The following CRB1 variants were observed in gnomAD, a reference collection of about 807,000 sequenced individuals.
CRB1 encodes protein crumbs homolog 1.
A neutral mutation model predicts 120.0 loss-of-function variants in CRB1; 83 were observed. That is an observed-to-expected ratio of 0.69 (90% CI 0.58 to 0.83). The LOEUF (loss-of-function observed/expected upper bound fraction) is 0.83, where lower values mean the gene tolerates loss of function less well. Among genes scored for constraint, CRB1 ranks in the 40% least tolerant of loss-of-function variants. CRB1 has a pLI of 0.00. For missense variants in CRB1, 1,699 were observed against 1,687.6 expected (o/e 1.01, Z -0.12); for synonymous variants, 625 against 612.5 (o/e 1.02, Z -0.30).
intron 11 of CRB1, among the ~76,000 whole-genome samples, chr1:197,456,829 A>T (rs1438704550): frequency 6.6e-6 from 1 of 152,162 alleles, no homozygotes; most frequent in Non-Finnish European, 1.5e-5. Context: ...CCATAATCAC[A>T]TGGACACAGC....
the CRB1 span, among the ~76,000 whole-genome samples, chr1:197,252,083 T>C: frequency 1.3e-5 from 2 of 151,916 alleles, no homozygotes; most frequent in Non-Finnish European, 2.9e-5. Flanking sequence ...TCAGCAATCT[T>C]TTTTGGTAAA....
At chr1:197,222,898 C>A in the CRB1 span, 3 of 1,203,046 alleles carry the variant, frequency 2.5e-6, no homozygotes, top group East Asian at 2.3e-5. Context: ...AGGGAAGACT[C>A]TGAACAATTC....
chr1:197,475,998 A>C (rs543101312), intron 11 of CRB1, among the ~76,000 whole-genome samples: 12 of 152,000 alleles, frequency 7.9e-5, no homozygotes, highest in African/African-American at 2.7e-4. Context: ...CAACCTCCGC[A>C]TCTCGGGTTC....
At chr1:197,340,755 A>G (rs1343026907) in intron 2 of CRB1, among the ~76,000 whole-genome samples, 1 of 152,006 alleles carries the variant, frequency 6.6e-6, no homozygotes, top group Non-Finnish European at 1.5e-5. Flanking sequence ...TTTGGCAGGG[A>G]TGGGGGTGGC....
intron 1 of CRB1, among the ~76,000 whole-genome samples, chr1:197,282,746 T>A (rs1655596718): frequency 1.3e-5 from 2 of 151,894 alleles, no homozygotes; most frequent in Non-Finnish European, 2.9e-5. Context: ...CTTGTAAAAC[T>A]ATTATTTCTC....
intron 5 of CRB1, among the ~76,000 whole-genome samples, chr1:197,361,816 G>T (rs1660784798): frequency 6.6e-6 from 1 of 150,738 alleles, no homozygotes; most frequent in South Asian, 2.1e-4. Flanking sequence ...TTTCCTATTT[G>T]CAATTTTATT....
chr1:197,390,519 C>T (rs1662445771), intron 5 of CRB1, among the ~76,000 whole-genome samples: 1 of 152,002 alleles, frequency 6.6e-6, no homozygotes, highest in African/African-American at 2.4e-5. Flanking sequence ...GATTGTTTTT[C>T]ATATCATAGG....
At chr1:197,428,428 T>A (rs1004935871) in intron 7 of CRB1, among the ~76,000 whole-genome samples, 4 of 152,234 alleles carry the variant, frequency 2.6e-5, no homozygotes, top group Non-Finnish European at 5.9e-5. Flanking sequence ...ACAAGAGAAA[T>A]CTGAGAGGTA....
At chr1:197,424,937 A>G (rs1301916592) in intron 6 of CRB1, among the ~76,000 whole-genome samples, 2 of 152,184 alleles carry the variant, frequency 1.3e-5, no homozygotes, top group Non-Finnish European at 2.9e-5. Flanking sequence ...TTCTAAAGTC[A>G]TGTAGCAAAT....
At chr1:197,329,910 T>C (rs547391209) in intron 2 of CRB1, among the ~76,000 whole-genome samples, 6 of 152,268 alleles carry the variant, frequency 3.9e-5, no homozygotes, top group African/African-American at 1.4e-4. Flanking sequence ...ACTTGCCGTT[T>C]TTGTACCTTC....
At chr1:197,292,610 A>G (rs1473233784) in intron 1 of CRB1, among the ~76,000 whole-genome samples, 2 of 152,152 alleles carry the variant, frequency 1.3e-5, no homozygotes, top group Admixed American at 1.3e-4. Flanking sequence ...CAACAAAAAA[A>G]AGAGAATTTT....
intron 2 of CRB1, among the ~76,000 whole-genome samples, chr1:197,330,219 A>G (rs796074143): frequency 7.2e-5 from 11 of 152,270 alleles, no homozygotes; most frequent in African/African-American, 2.6e-4. Flanking sequence ...GACATCTAAG[A>G]TATGTTCCAA....
intron 11 of CRB1, among the ~76,000 whole-genome samples, chr1:197,448,791 G>A (rs1665822717): frequency 6.6e-6 from 1 of 152,020 alleles, no homozygotes; most frequent in Non-Finnish European, 1.5e-5. Flanking sequence ...CTTATTATTT[G>A]GTAATTATCT....
At chr1:197,368,365 C>A (rs75767582) in intron 5 of CRB1, among the ~76,000 whole-genome samples, 1 of 152,182 alleles carries the variant, frequency 6.6e-6, no homozygotes, top group Non-Finnish European at 1.5e-5. Context: ...TCATCTGATT[C>A]ATTTACCTTT....
chr1:197,293,682 C>A (rs1656339891), intron 1 of CRB1, among the ~76,000 whole-genome samples: 1 of 152,080 alleles, frequency 6.6e-6, no homozygotes, highest in African/African-American at 2.4e-5. Context: ...CCTACAGTAA[C>A]CAAAACAGCA....
chr1:197,434,883 G>T lies in CRB1; in HGVS notation c.3020G>T (p.Arg1007Ile), dbSNP rs747455011. The T allele has an allele frequency of 6.8e-6, 11 of 1,613,786 alleles. No homozygotes were observed. The South Asian group carries it at 1.2e-4, about 18-fold the overall frequency. ...CTTAATATTAGCATTCAAGATTCCA[G>T]ATTATTCTTTCAATTGCAAAGTGGC... Reference protein sequence around the residue: ...EFLNISIQDSRLFFQLQSGNS... With the variant: ...EFLNISIQDSILFFQLQSGNS... The change falls in exon 9 of 12, where the codon AGA (arginine) becomes ATA (isoleucine). Residue 1007 changes from arginine (R) to isoleucine (I), a missense_variant. Arg to Ile is a moderately conservative substitution (Grantham distance 97). Transcript: ENST00000367400.
chr1:197,269,176 A>C (rs968764318), intron 1 of CRB1, among the ~76,000 whole-genome samples: 2 of 152,224 alleles, frequency 1.3e-5, no homozygotes, highest in African/African-American at 4.8e-5. Flanking sequence ...GTAGCTATTC[A>C]ACACGTTTAA....
intron 11 of CRB1, among the ~76,000 whole-genome samples, chr1:197,468,189 T>G (rs1043304772): frequency 1.3e-5 from 2 of 152,236 alleles, no homozygotes; most frequent in Admixed American, 1.3e-4. Flanking sequence ...CAACTTCCTT[T>G]GAGAAACTTA....
rs185292040 is a variant in CRB1 at position 197,478,010 on chromosome 1, T to C, written c.*131T>C. The C allele has an allele frequency of 5.5e-5, 52 of 953,720 alleles. No individual in the cohort carries two copies. The highest frequency in any genetic ancestry group is 5.5e-4 in the African/African-American group (34 of 62,366). 59.1% of individuals were successfully genotyped at this position (953,720 alleles called of 1,614,324 possible). ...CACTGGAACTACAGGAATGATTCCTTTGACCACCTTAAAAACTTTCACAGT... is the reference window on the plus strand; with the variant it reads ...CACTGGAACTACAGGAATGATTCCTCTGACCACCTTAAAAACTTTCACAGT... On this transcript the variant is annotated 3_prime_UTR_variant, in exon 12 of 12. Coordinates refer to ENST00000367400, the MANE Select transcript of CRB1 (RefSeq NM_201253.3).
Sources: allele counts gnomAD v4.1 joint callset (sites outside exome capture counted in the v4.1 genomes callset), GRCh38; gene constraint gnomAD v4.1.1; transcripts MANE v1.5; gene names NCBI Gene and HGNC (gene_info 2026-07-23, HGNC 2026-07-21).